PLEKHD1: variants seen among roughly 807,000 people sequenced by gnomAD.
PLEKHD1 encodes pleckstrin homology domain-containing family D member 1.
A neutral mutation model predicts 69.2 loss-of-function variants in PLEKHD1; 51 were observed. The ratio of observed to expected loss-of-function variants is 0.74; its 90% CI spans 0.59 to 0.93. PLEKHD1 has a LOEUF of 0.93. Ranked by LOEUF, PLEKHD1 falls within the 40% of genes least tolerant of loss-of-function variation. The probability of loss-of-function intolerance (pLI) is 0.00; values close to 1 mark genes in which losing one functional copy is unlikely to be tolerated. For synonymous variants in PLEKHD1, 236 were observed against 244.7 expected (o/e 0.96, Z 0.33); for missense variants, 584 against 641.0 (o/e 0.91, Z 0.96).
intron 1 of PLEKHD1, among the ~76,000 whole-genome samples, chr14:69,495,078 C>G (rs570521093): frequency 6.6e-6 from 1 of 152,210 alleles, no homozygotes; most frequent in Non-Finnish European, 1.5e-5. Context: ...GGGCCCTTCA[C>G]AATCCCTACT....
chr14:69,498,405 T>G (rs1471506897), intron 1 of PLEKHD1, among the ~76,000 whole-genome samples: 1 of 150,814 alleles, frequency 6.6e-6, no homozygotes, highest in Non-Finnish European at 1.5e-5. Context: ...GAAAAGAAAA[T>G]GGGTTGACAT....
rs943197673 is a variant in PLEKHD1 at position 69,526,697 on chromosome 14, G to T, written c.924G>T (p.Arg308=). 3.9e-6 allele frequency: 6 copies of T among 1,527,078 alleles called. No homozygotes were observed. Among genetic ancestry groups the T allele is most frequent in the Non-Finnish European group, 5.3e-6 (6 of 1,134,886 alleles). The allele number at this position is 1,527,078 out of a possible 1,614,324, so 94.6% of individuals were successfully genotyped here. A position where few individuals can be genotyped will look rare whatever the true frequency, so the allele number is the denominator to read the frequency against. The part of the protein sequence containing the change: ...LLEEKLLAEK[R]MKENEERSRA... ...GAAAGTGCCTCTTCTGTCCCTACAG[G>T]ATGAAGGAGAACGAGGAGCGCTCAC... is the stretch of plus-strand genomic sequence containing the variant. Residue 308 remains arginine, a splice_region_variant and synonymous_variant, in exon 10 of 13, where the codon CGG becomes CGT. Coordinates refer to ENST00000322564, the MANE Select transcript of PLEKHD1 (RefSeq NM_001161498.2).
chr14:69,474,097 C>T, the PLEKHD1 span, among the ~76,000 whole-genome samples: 1 of 152,146 alleles, frequency 6.6e-6, no homozygotes, highest in African/African-American at 2.4e-5. Context: ...ACCCACTCAT[C>T]AAGGAAATAA....
rs1276672871 is a variant in PLEKHD1 at position 69,485,002 on chromosome 14, C to T, written c.37C>T (p.Pro13Ser). The T allele has an allele frequency of 2.0e-5, 31 of 1,551,174 alleles. No individual in the cohort carries two copies. The highest frequency in any genetic ancestry group is 2.7e-5 in the Non-Finnish European group (31 of 1,146,880). ...TSKSNSVSPS[P>S]SLEQADSDAL... ...CAAGTCCAACTCGGTGTCGCCCTCG[C>T]CGTCCCTGGAGCAGGCTGACTCGGA... The change falls in exon 1 of 13, where the codon CCG becomes TCG. Residue 13 changes from proline (P) to serine (S), a missense_variant. Coordinates refer to ENST00000322564, the MANE Select transcript of PLEKHD1 (RefSeq NM_001161498.2).
chr14:69,472,974 G>T, the PLEKHD1 span, among the ~76,000 whole-genome samples: 1 of 152,280 alleles, frequency 6.6e-6, no homozygotes, highest in African/African-American at 2.4e-5. Context: ...AGGGATCTAG[G>T]TTGCATGCTC....
At chr14:69,473,243 GT>G in the PLEKHD1 span, among the ~76,000 whole-genome samples, 6 of 152,078 alleles carry the variant, frequency 3.9e-5, no homozygotes. Context: ...CTGGTTCCTG[GT>G]GCCAAAAAAG....
chr14:69,525,604 C>A (rs551265558), intron 8 of PLEKHD1, among the ~76,000 whole-genome samples: 25 of 152,228 alleles, frequency 1.6e-4, no homozygotes, highest in Non-Finnish European at 3.4e-4. Context: ...TGCTCTTGGG[C>A]TGGTTCCTGT....
chr14:69,483,103 C>G (rs76303500), upstream of PLEKHD1, among the ~76,000 whole-genome samples: 10 of 151,998 alleles, frequency 6.6e-5, no homozygotes, highest in Admixed American at 3.9e-4. Flanking sequence ...AGCCAAGCCC[C>G]GGGCCCTGTG....
intron 5 of PLEKHD1, chr14:69,502,512 A>G (rs1883052361): frequency 5.2e-6 from 2 of 387,406 alleles, no homozygotes; most frequent in Admixed American, 3.9e-5. Flanking sequence ...CTAGCCAGAC[A>G]TTAGTGCAGG....
intron 1 of PLEKHD1, 35 bp downstream of exon 1, chr14:69,485,149 G>T (rs754145582): frequency 2.0e-6 from 3 of 1,538,192 alleles, no homozygotes; most frequent in Non-Finnish European, 2.6e-6. Context: ...GAGACCGCCG[G>T]GGAGAGAGCC....
chr14:69,473,656 C>A, the PLEKHD1 span, among the ~76,000 whole-genome samples: 1 of 152,080 alleles, frequency 6.6e-6, no homozygotes, highest in Non-Finnish European at 1.5e-5. Context: ...AATTTTTGGA[C>A]AGGAATGTGA....
chr14:69,522,743 T>C (rs2139528797), intron 7 of PLEKHD1, among the ~76,000 whole-genome samples: 1 of 152,290 alleles, frequency 6.6e-6, no homozygotes, highest in East Asian at 1.9e-4. Context: ...ATTTGCTGTC[T>C]TTCCTGCATA....
intron 12 of PLEKHD1, 44 bp from the exon 13 acceptor site, chr14:69,528,206 G>A: frequency 6.5e-7 from 1 of 1,547,978 alleles, no homozygotes; most frequent in Non-Finnish European, 8.7e-7. Flanking sequence ...GGCCTTCGTG[G>A]AGGGAGCACT....
chr14:69,531,353 A>G lies in PLEKHD1; in HGVS notation c.*2934A>G, dbSNP rs936057895. 6.6e-6 allele frequency: 1 copy of G among 152,232 alleles called. No individual in the cohort carries two copies. Among genetic ancestry groups the G allele is most frequent in the Non-Finnish European group, 1.5e-5 (1 of 68,042 alleles). 9.4% of individuals were successfully genotyped at this position (152,232 alleles called of 1,614,324 possible). ...GGCAAGTCTGAATTATCTTCAGCCA[A>G]CTGAACAATCCATAAGTGTTTATTC... On this transcript the variant is annotated 3_prime_UTR_variant, in exon 13 of 13. Coordinates refer to ENST00000322564, the MANE Select transcript of PLEKHD1 (RefSeq NM_001161498.2).
In PLEKHD1 at chr14:69,494,258, G is replaced by A. The variant is rs1253192448; in HGVS notation, c.150-5857G>A. Among the ~76,000 whole-genome samples the A allele has an allele frequency of 2.0e-5, 3 of 152,186 alleles. No homozygotes were observed. The South Asian group carries it at 6.2e-4, about 32-fold the overall frequency. ...TATTATTATTATCCTCAAGTTGCAC[G>A]GTGGGGACCTACCTACCTTAGGTAA... On this transcript the variant is annotated intron_variant, in intron 1 of 12. Transcript: ENST00000322564.
At chr14:69,517,980 C>T (rs569770868) in intron 6 of PLEKHD1, among the ~76,000 whole-genome samples, 1 of 152,062 alleles carries the variant, frequency 6.6e-6, no homozygotes, top group East Asian at 1.9e-4. Context: ...ATTTGATCTA[C>T]AATCCTGATC....
At chr14:69,480,452 G>A (rs1882521849), upstream of PLEKHD1, among the ~76,000 whole-genome samples, 1 of 152,192 alleles carries the variant, frequency 6.6e-6, no homozygotes, top group Non-Finnish European at 1.5e-5. Context: ...CTGAGGGTGG[G>A]GTCAGGGACA....
At chr14:69,480,273 C>A (rs1353801352), upstream of PLEKHD1, among the ~76,000 whole-genome samples, 3 of 152,230 alleles carry the variant, frequency 2.0e-5, no homozygotes, top group East Asian at 5.8e-4. Context: ...TGCAGCAGGG[C>A]CTGGCCTGGA....
chr14:69,500,033 G>A, intron 1 of PLEKHD1, 82 bp from the exon 2 acceptor site: 2 of 937,710 alleles, frequency 2.1e-6, no homozygotes, highest in East Asian at 2.6e-5. Flanking sequence ...TGAGTCCAGG[G>A]CCCCCAAGGG....
Sources: gnomAD v4.1 joint callset for allele counts (sites outside exome capture counted in the v4.1 genomes callset) on GRCh38, gnomAD v4.1.1 for gene constraint, MANE v1.5 for transcripts, NCBI Gene and HGNC (gene_info 2026-07-23, HGNC 2026-07-21) for gene names.